The following ABL1 variants were observed in gnomAD, a reference collection of about 807,000 sequenced individuals.
ABL1 encodes tyrosine-protein kinase ABL1.
A neutral mutation model predicts 94.7 loss-of-function variants in ABL1; 11 were observed. That is an observed-to-expected ratio of 0.12 (90% CI 0.07 to 0.19). The LOEUF (loss-of-function observed/expected upper bound fraction) is 0.19. Among genes scored for constraint, ABL1 ranks in the 10% least tolerant of loss-of-function variants. ABL1 has a pLI of 1.00. For missense variants in ABL1, 1,082 were observed against 1,489.4 expected, an observed-to-expected ratio of 0.73 and a Z score of 4.50; for synonymous variants, 656 against 622.4, an observed-to-expected ratio of 1.05 and a Z score of -0.80.
chr9:130,751,645 A>G (rs1831968836), intron 1 of ABL1, among the ~76,000 whole-genome samples: 1 of 152,148 alleles, frequency 6.6e-6, no homozygotes, highest in Admixed American at 6.5e-5. Flanking sequence ...CCACAATCAA[A>G]GCCTTACTGC....
At chr9:130,864,909 A>C (rs1244024371) in intron 4 of ABL1, among the ~76,000 whole-genome samples, 1 of 152,238 alleles carries the variant, frequency 6.6e-6, no homozygotes, top group Non-Finnish European at 1.5e-5. Context: ...AAAATACCCT[A>C]GATTTCAACC....
chr9:130,795,579 G>A (rs905824184), intron 1 of ABL1, among the ~76,000 whole-genome samples: 1 of 152,116 alleles, frequency 6.6e-6, no homozygotes, highest in African/African-American at 2.4e-5. Flanking sequence ...TTCTTTTGTT[G>A]CTTAGGTGTC....
chr9:130,732,936 C>G (rs372349182), intron 1 of ABL1, among the ~76,000 whole-genome samples: 1 of 151,914 alleles, frequency 6.6e-6, no homozygotes, highest in Admixed American at 6.6e-5. Context: ...GATGAAATTG[C>G]GAAATCTTAA....
exon 1 of ABL1, among the ~76,000 whole-genome samples, chr9:130,713,098 G>C (rs2132659434): frequency 6.6e-6 from 1 of 152,356 alleles, no homozygotes; most frequent in Admixed American, 6.5e-5. Flanking sequence ...CGCTGGAGCC[G>C]GAGCCGGTTC....
chr9:130,753,422 CTTTTTTTTTTTTTT>C (rs71389347), intron 1 of ABL1, among the ~76,000 whole-genome samples: 2 of 90,342 alleles, frequency 2.2e-5, no homozygotes, highest in Non-Finnish European at 4.0e-5. Flanking sequence ...TTTTTCTTTT[CTTTTTTTTTTTTTT>C]TTTTTTTGAG....
chr9:130,824,654 AAGG>A (rs935971487), intron 1 of ABL1, among the ~76,000 whole-genome samples: 2 of 152,160 alleles, frequency 1.3e-5, no homozygotes, highest in Non-Finnish European at 2.9e-5. Context: ...GGTGGTAAAC[AAGG>A]AGGACAGCTT....
chr9:130,838,973 A>C, intron 1 of ABL1, among the ~76,000 whole-genome samples: 1 of 152,102 alleles, frequency 6.6e-6, no homozygotes, highest in South Asian at 2.1e-4. Context: ...GCAGTGGCAC[A>C]ATCACAGCTC....
At chr9:130,827,899 TAATAAATAAATAAATA>T (rs200452899) in intron 1 of ABL1, among the ~76,000 whole-genome samples, 9 of 131,512 alleles carry the variant, frequency 6.8e-5, no homozygotes, top group Non-Finnish European at 9.5e-5. Context: ...GTCTCAAAAA[TAATAAATAAATAAATA>T]AATAAATAAA....
intron 1 of ABL1, among the ~76,000 whole-genome samples, chr9:130,773,875 C>T (rs899943699): frequency 3.9e-5 from 6 of 152,036 alleles, no homozygotes; most frequent in Admixed American, 6.6e-5. Context: ...GCCCACAAAA[C>T]GATCACCACA....
intron 1 of ABL1, among the ~76,000 whole-genome samples, chr9:130,744,433 G>A (rs1003178066): frequency 2.0e-5 from 3 of 151,244 alleles, no homozygotes; most frequent in African/African-American, 4.8e-5. Flanking sequence ...GAGCCACCAC[G>A]CCTGGCCCCT....
Position 130,872,197 on chromosome 9 carries a change from C to T in ABL1, c.891C>T (p.Asn297=), listed in dbSNP as rs756629068. Residue 297 remains asparagine (N), a synonymous_variant, in exon 5 of 11, where the codon AAC becomes AAT. Transcript: ENST00000318560. The surrounding 1 kb of genome is among the most constrained non-coding windows in gnomAD (Gnocchi z 5.0). The part of the protein sequence containing the change: ...AAVMKEIKHP[N]LVQLLGVCTR... ...TCATGAAAGAGATCAAACACCCTAA[C>T]CTGGTGCAGCTCCTTGGTGAGTAAG... The T allele has an allele frequency of 3.1e-6, 5 of 1,613,710 alleles. No homozygotes were observed. The South Asian group carries it at 3.3e-5, about 11-fold the overall frequency.
intron 7 of ABL1, among the ~76,000 whole-genome samples, chr9:130,875,569 T>G (rs1366947257): frequency 1.3e-5 from 2 of 152,180 alleles, no homozygotes; most frequent in African/African-American, 4.8e-5. Flanking sequence ...CCTTGCTGTT[T>G]ATTGAAGAAA....
At chr9:130,787,831 G>A (rs899472443) in intron 1 of ABL1, among the ~76,000 whole-genome samples, 1 of 152,176 alleles carries the variant, frequency 6.6e-6, no homozygotes, top group Admixed American at 6.5e-5. Flanking sequence ...TTCCTCCTGT[G>A]CTCTGTGAAG....
intron 1 of ABL1, among the ~76,000 whole-genome samples, chr9:130,751,952 A>G (rs1831972530): frequency 6.6e-6 from 1 of 152,176 alleles, no homozygotes. Flanking sequence ...CCTCCGCACT[A>G]TTAGAAAAGA....
chr9:130,883,923 C>T (rs1411483135), intron 10 of ABL1, 46 bp from the exon 11 acceptor site: 8 of 1,559,266 alleles, frequency 5.1e-6, no homozygotes, highest in Non-Finnish European at 6.9e-6. Flanking sequence ...CCTCTGTCAG[C>T]CTCTAGAGTT....
chr9:130,763,483 T>A (rs1332194981), intron 1 of ABL1, among the ~76,000 whole-genome samples: 1 of 152,202 alleles, frequency 6.6e-6, no homozygotes, highest in African/African-American at 2.4e-5. Context: ...CAGAAGTGGG[T>A]TAGCTGAGTG....
intron 1 of ABL1, among the ~76,000 whole-genome samples, chr9:130,809,417 A>AGTGT (rs367661812): frequency 1.3e-4 from 11 of 84,410 alleles, no homozygotes; most frequent in South Asian, 5.2e-4. Flanking sequence ...AGAGAGAGAG[A>AGTGT]GTGTGTGTGT....
chr9:130,734,447 C>G (rs1285469774), intron 1 of ABL1, among the ~76,000 whole-genome samples: 1 of 151,532 alleles, frequency 6.6e-6, no homozygotes, highest in Non-Finnish European at 1.5e-5. Flanking sequence ...GATCTCCTGA[C>G]CTCGTGATCC....
chr9:130,757,175 G>C (rs1832050792), intron 1 of ABL1, among the ~76,000 whole-genome samples: 1 of 152,174 alleles, frequency 6.6e-6, no homozygotes. Context: ...TAGGCTCTAA[G>C]ATCAGCAGCA....
Sources: gnomAD v4.1 joint callset for allele counts (sites outside exome capture counted in the v4.1 genomes callset) on GRCh38, gnomAD v4.1.1 for gene constraint, Gnocchi (gnomAD v3.1) non-coding constraint, MANE v1.5 for transcripts, NCBI Gene and HGNC (gene_info 2026-07-23, HGNC 2026-07-21) for gene names.